MYH15: variants seen among roughly 807,000 people sequenced by gnomAD.
The protein encoded by MYH15 is myosin heavy chain 15, also known as myosin-15.
Under a neutral mutation model 240.5 loss-of-function variants are expected in MYH15, and 227 were observed. That is an observed-to-expected ratio of 0.94 (90% CI 0.85 to 1.05). The LOEUF is 1.05. Ranked by LOEUF, MYH15 falls within the 50% of genes least tolerant of loss-of-function variation. The pLI, the probability that MYH15 is intolerant of heterozygous loss-of-function variation, is 0.00. For missense variants in MYH15, 2,217 were observed against 2,247.5 expected (o/e 0.99, Z 0.27); for synonymous variants, 785 against 796.7 (o/e 0.99, Z 0.25).
In MYH15 at chr3:108,414,291, T is replaced by C; in HGVS notation, c.4086A>G (p.Gln1362=). ...CATTGTTTTCATACTTCATTCTCCA[T>C]TGCACCATTTCAGCATTGACTTTGG... ...TLSKVNAEMV[Q]WRMKYENNVI... The change falls in exon 30 of 41, where the codon CAA becomes CAG. Residue 1362 remains glutamine, a synonymous_variant. Transcript: ENST00000693548. 17 of 1,614,174 alleles carry C rather than the reference T, an allele frequency of 1.1e-5. 1 individual carries two copies. The Middle Eastern group carries it at 1.3e-3, about 125-fold the overall frequency.
At chr3:108,384,868 C>A in intron 38 of MYH15, 86 bp from the exon 39 acceptor site, 1 of 1,183,038 alleles carries the variant, frequency 8.5e-7, no homozygotes, top group South Asian at 1.3e-5. Context: ...AAATAAGGAT[C>A]AGGGAACTTT....
intron 32 of MYH15, among the ~76,000 whole-genome samples, chr3:108,405,852 T>C (rs1201389690): frequency 1.3e-5 from 2 of 152,204 alleles, no homozygotes; most frequent in African/African-American, 2.4e-5. Flanking sequence ...CCTGGAATCT[T>C]CTATTAAATT....
chr3:108,535,851 G>A, the MYH15 span, among the ~76,000 whole-genome samples: 3 of 152,202 alleles, frequency 2.0e-5, no homozygotes, highest in Non-Finnish European at 2.9e-5. Flanking sequence ...ACTCTGGCAT[G>A]AGTATTCGCT....
rs777013616 is a variant in MYH15 at position 108,441,041 on chromosome 3, CCTT to C, written c.2872_2874del (p.Lys958del). ...ACCTTGTGCTCTGTAGTACGCTTCTCCTTCTCTGACTTCACCAACATTGTTTCC... is the reference window on the plus strand; with the variant it reads ...ACCTTGTGCTCTGTAGTACGCTTCTCCTCTGACTTCACCAACATTGTTTCC... On this transcript the variant is annotated inframe_deletion, in exon 23 of 41. Transcript: ENST00000693548. 2 of 1,614,174 alleles carry C rather than the reference CCTT, an allele frequency of 1.2e-6. No homozygotes were observed. The highest frequency in any genetic ancestry group is 1.7e-6 in the Non-Finnish European group (2 of 1,179,992).
intron 29 of MYH15, among the ~76,000 whole-genome samples, chr3:108,416,468 C>G (rs1012340543): frequency 6.6e-6 from 1 of 152,062 alleles, no homozygotes; most frequent in African/African-American, 2.4e-5. Flanking sequence ...TTGAGCTAAC[C>G]CAGTCCCACT....
intron 35 of MYH15, among the ~76,000 whole-genome samples, chr3:108,397,480 T>C (rs1187779976): frequency 6.6e-6 from 1 of 152,248 alleles, no homozygotes; most frequent in East Asian, 1.9e-4. Flanking sequence ...TATATCATTA[T>C]ACTTTTAGCA....
intron 1 of MYH15, among the ~76,000 whole-genome samples, chr3:108,526,279 G>A (rs1334435071): frequency 2.0e-5 from 3 of 152,148 alleles, no homozygotes; most frequent in Non-Finnish European, 2.9e-5. Context: ...TTTTCCAGCT[G>A]TGAGGCATAT....
chr3:108,533,086 T>C (rs543261065), upstream of MYH15, among the ~76,000 whole-genome samples: 1 of 151,896 alleles, frequency 6.6e-6, no homozygotes, highest in Non-Finnish European at 1.5e-5. Flanking sequence ...TACTTTCATT[T>C]GATTCAGATA....
At chr3:108,479,818 T>C (rs1332439565) in intron 11 of MYH15, among the ~76,000 whole-genome samples, 1 of 152,162 alleles carries the variant, frequency 6.6e-6, no homozygotes, top group African/African-American at 2.4e-5. Flanking sequence ...CCCAGTTCAG[T>C]CCCATCTGCA....
chr3:108,433,104 C>T (rs1470871001), intron 25 of MYH15, among the ~76,000 whole-genome samples: 1 of 152,196 alleles, frequency 6.6e-6, no homozygotes, highest in Non-Finnish European at 1.5e-5. Flanking sequence ...CTTTACCCTG[C>T]AAAGCCGCAG....
At chr3:108,399,773 T>C (rs2082490149) in intron 33 of MYH15, among the ~76,000 whole-genome samples, 1 of 152,236 alleles carries the variant, frequency 6.6e-6, no homozygotes, top group African/African-American at 2.4e-5. Flanking sequence ...GACACAACTC[T>C]CCTAGAATAA....
In MYH15 at chr3:108,486,943, G is replaced by C. The variant is rs913342799; in HGVS notation, c.872-417C>G. ...AAAATTATAAGTAGAACAGACCTGA[G>C]CTTCAAAAGCTACGAAGCAGCCAGA... On this transcript the variant is annotated intron_variant, in intron 9 of 40. Transcript: ENST00000693548. Among the ~76,000 whole-genome samples the C allele has an allele frequency of 2.0e-5, 3 of 152,230 alleles. No individual in the cohort carries two copies. The South Asian group carries it at 6.2e-4, about 32-fold the overall frequency.
rs772900837 is a variant in MYH15 at position 108,453,998 on chromosome 3, T to C, written c.2399+8A>G. On this transcript the variant is annotated splice_region_variant and intron_variant, in intron 21 of 40. Transcript: ENST00000693548. Reference sequence around the variant, plus strand: ...TAGCAGTTGGGGAGCAGGGTGGGCATATAATACCTTTCTTCCAGAATCTTC... The same window carrying C: ...TAGCAGTTGGGGAGCAGGGTGGGCACATAATACCTTTCTTCCAGAATCTTC... 3.1e-6 allele frequency: 5 copies of C among 1,609,986 alleles called. No homozygotes were observed. In the East Asian group the frequency reaches 8.9e-5, roughly 29 times the overall value.
At chr3:108,490,232 A>G (rs1388484989) in intron 9 of MYH15, among the ~76,000 whole-genome samples, 1 of 152,236 alleles carries the variant, frequency 6.6e-6, no homozygotes, top group African/African-American at 2.4e-5. Context: ...CATCTATGGC[A>G]AAAATAATTG....
chr3:108,460,464 G>T, intron 16 of MYH15, 97 bp from the exon 17 acceptor site: 1 of 866,158 alleles, frequency 1.2e-6, no homozygotes, highest in Non-Finnish European at 1.7e-6. Context: ...ATTCACCAGA[G>T]TTCTAGAACA....
At chr3:108,465,280 C>A (rs532957035) in intron 14 of MYH15, among the ~76,000 whole-genome samples, 50 of 152,216 alleles carry the variant, frequency 3.3e-4, no homozygotes, top group Non-Finnish European at 5.9e-4. Context: ...GTATTCCAGG[C>A]AGAAAAATGA....
At chr3:108,456,724 T>A in intron 19 of MYH15, 42 bp downstream of exon 19, 1 of 1,417,268 alleles carries the variant, frequency 7.1e-7, no homozygotes, top group South Asian at 1.2e-5. Flanking sequence ...GAAAACAGAA[T>A]GAACTGCCTC....
intron 22 of MYH15, among the ~76,000 whole-genome samples, chr3:108,443,867 T>A (rs544316181): frequency 4.6e-5 from 7 of 150,998 alleles, no homozygotes; most frequent in Admixed American, 2.0e-4. Context: ...ATCTTTATTT[T>A]TTTTTTTTTA....
chr3:108,456,879 T>A lies in MYH15; in HGVS notation c.2025A>T (p.Ile675=). 3 of 1,604,040 alleles carry A rather than the reference T, an allele frequency of 1.9e-6. No homozygotes were observed. The highest frequency in any genetic ancestry group is 2.6e-6 in the Non-Finnish European group (3 of 1,174,066). ...INPNVNKIPG[I]LDPYLVLQQL... Reference sequence around the variant, plus strand: ...GCTGTAGAACCAAGTAAGGGTCCAGTATACCTGGAAAAAAAAAAGAGTCAT... The same window carrying A: ...GCTGTAGAACCAAGTAAGGGTCCAGAATACCTGGAAAAAAAAAAGAGTCAT... The change falls in exon 19 of 41, where the codon ATA becomes ATT. Residue 675 remains isoleucine, a synonymous_variant. Coordinates refer to ENST00000693548, the MANE Select transcript of MYH15 (RefSeq NM_014981.3).
Sources: gnomAD v4.1 joint callset for allele counts (sites outside exome capture counted in the v4.1 genomes callset) on GRCh38, gnomAD v4.1.1 for gene constraint, MANE v1.5 for transcripts, NCBI Gene and HGNC (gene_info 2026-07-23, HGNC 2026-07-21) for gene names.